Variants in TMEM117 observed in about 807,000 individuals in gnomAD.
TMEM117 encodes transmembrane protein 117.
A neutral mutation model predicts 52.4 loss-of-function variants in TMEM117; 27 were observed. That is an observed-to-expected ratio of 0.51 (90% confidence interval 0.38 to 0.71). The LOEUF is 0.71. Ranked by LOEUF, TMEM117 falls within the 30% of genes least tolerant of loss-of-function variation. The pLI is 0.00. For synonymous variants in TMEM117, 215 were observed against 206.3 expected (o/e 1.04, Z -0.36); for missense variants, 556 against 630.5 (o/e 0.88, Z 1.26).
chr12:43,883,228 CAA>C (rs1412456333), intron 2 of TMEM117, among the ~76,000 whole-genome samples: 2 of 152,092 alleles, frequency 1.3e-5, no homozygotes, highest in Non-Finnish European at 2.9e-5. Flanking sequence ...TACATTTTCT[CAA>C]GAAGTGATTT....
At chr12:44,359,276 T>G (rs558428064) in intron 6 of TMEM117, among the ~76,000 whole-genome samples, 4 of 151,970 alleles carry the variant, frequency 2.6e-5, no homozygotes, top group African/African-American at 9.6e-5. Context: ...TATATATATA[T>G]GTGTGCACAA....
chr12:44,052,332 C>G (rs969050444), intron 3 of TMEM117, among the ~76,000 whole-genome samples: 3 of 152,026 alleles, frequency 2.0e-5, no homozygotes, highest in Admixed American at 6.6e-5. Flanking sequence ...TTTAGTGCCC[C>G]CAGAGCAGTC....
At chr12:44,107,093 A>C (rs1194656583) in intron 3 of TMEM117, among the ~76,000 whole-genome samples, 1 of 152,110 alleles carries the variant, frequency 6.6e-6, no homozygotes, top group African/African-American at 2.4e-5. Context: ...TACTTAGTAG[A>C]GGTCAGGCAC....
intron 2 of TMEM117, among the ~76,000 whole-genome samples, chr12:43,922,661 A>C (rs1045948422): frequency 6.6e-6 from 1 of 152,116 alleles, no homozygotes; most frequent in Non-Finnish European, 1.5e-5. Context: ...AAGTTATTTG[A>C]ATCTCTTCAT....
At chr12:44,089,711 G>T (rs1047212845) in intron 3 of TMEM117, among the ~76,000 whole-genome samples, 3 of 152,110 alleles carry the variant, frequency 2.0e-5, no homozygotes, top group Admixed American at 6.5e-5. Flanking sequence ...TTCTTTCCCA[G>T]TCTAGTGAAT....
At chr12:44,382,106 C>G (rs941858075) in intron 7 of TMEM117, among the ~76,000 whole-genome samples, 1 of 152,154 alleles carries the variant, frequency 6.6e-6, no homozygotes, top group Non-Finnish European at 1.5e-5. Flanking sequence ...TATAAAGCAG[C>G]AATTCCTTTT....
chr12:43,999,966 T>G (rs996845071), intron 3 of TMEM117, among the ~76,000 whole-genome samples: 2 of 152,228 alleles, frequency 1.3e-5, no homozygotes, highest in Admixed American at 1.3e-4. Context: ...TTAAATTTCC[T>G]TTAGAGTTAT....
chr12:43,862,000 G>A (rs1379306701), intron 2 of TMEM117, among the ~76,000 whole-genome samples: 2 of 152,120 alleles, frequency 1.3e-5, no homozygotes, highest in Non-Finnish European at 2.9e-5. Flanking sequence ...TTCTGAACTA[G>A]AGCATTTGAT....
chr12:44,073,613 G>A (rs972203334), intron 3 of TMEM117: 2 of 152,284 alleles, frequency 1.3e-5, no homozygotes, highest in African/African-American at 4.8e-5. Flanking sequence ...TTTCAGATCA[G>A]TCGAAGCTGG....
At chr12:44,370,343 A>G (rs775010186) in intron 6 of TMEM117, among the ~76,000 whole-genome samples, 1 of 152,126 alleles carries the variant, frequency 6.6e-6, no homozygotes, top group Non-Finnish European at 1.5e-5. Context: ...GTATAATTCC[A>G]GTACACCTAG....
intron 5 of TMEM117, among the ~76,000 whole-genome samples, chr12:44,221,855 CGCCCA>C (rs977768774): frequency 1.3e-5 from 2 of 151,870 alleles, no homozygotes; most frequent in Non-Finnish European, 2.9e-5. Context: ...TGTGCCACCA[CGCCCA>C]GCTAATTTTT....
chr12:43,968,680 T>G (rs1368010157), intron 3 of TMEM117, among the ~76,000 whole-genome samples: 1 of 152,054 alleles, frequency 6.6e-6, no homozygotes, highest in East Asian at 1.9e-4. Context: ...GCTATAGGGG[T>G]AGCTAAAACC....
chr12:43,828,208 GGAATT>G, the TMEM117 span, among the ~76,000 whole-genome samples: 3 of 152,144 alleles, frequency 2.0e-5, no homozygotes, highest in African/African-American at 7.2e-5. Flanking sequence ...AGAGGATATG[GGAATT>G]GTACCTTAGT....
chr12:44,026,407 T>G (rs1946534076), intron 3 of TMEM117, among the ~76,000 whole-genome samples: 1 of 152,170 alleles, frequency 6.6e-6, no homozygotes, highest in African/African-American at 2.4e-5. Context: ...CCTCTGTTGC[T>G]TTTCCCTGGG....
rs142035788 is a variant in TMEM117, at chr12:43,947,903, G to A, written c.410+3561G>A. 6.9e-3 allele frequency among the ~76,000 whole-genome samples: 1,047 copies of A among 152,224 alleles called. 12 individuals are homozygous for A. Among genetic ancestry groups the A allele is most frequent in the African/African-American group, 0.024 (979 of 41,540 alleles). ...GGGAAGAAGGAGTTTTCTTAGACTGGTCTGCATTTTGTGTGCATGTATGCC... is the reference window on the plus strand; with the variant it reads ...GGGAAGAAGGAGTTTTCTTAGACTGATCTGCATTTTGTGTGCATGTATGCC... On this transcript the variant is annotated intron_variant, in intron 3 of 7. Coordinates refer to ENST00000266534, the MANE Select transcript of TMEM117 (RefSeq NM_032256.3).
chr12:43,893,806 T>C (rs1165593493), intron 2 of TMEM117, among the ~76,000 whole-genome samples: 2 of 152,178 alleles, frequency 1.3e-5, no homozygotes, highest in Non-Finnish European at 2.9e-5. Flanking sequence ...TTGCTTGTGA[T>C]TTTGTGGGTT....
intron 3 of TMEM117, among the ~76,000 whole-genome samples, chr12:43,976,676 C>G (rs1033662579): frequency 3.9e-5 from 6 of 152,082 alleles, no homozygotes; most frequent in African/African-American, 1.4e-4. Flanking sequence ...AACCTCCTGG[C>G]CTTCCAAGAA....
At chr12:44,089,144 T>C (rs1281371273) in intron 3 of TMEM117, among the ~76,000 whole-genome samples, 1 of 152,162 alleles carries the variant, frequency 6.6e-6, no homozygotes, top group Admixed American at 6.5e-5. Flanking sequence ...ATGTGCTGGG[T>C]AAGAAGCTAT....
intron 2 of TMEM117, among the ~76,000 whole-genome samples, chr12:43,894,111 G>T (rs964564528): frequency 3.3e-5 from 5 of 152,178 alleles, no homozygotes; most frequent in African/African-American, 1.2e-4. Context: ...TCACAGGCCA[G>T]CTCAGATTCA....
Sources: allele counts gnomAD v4.1 joint callset (sites outside exome capture counted in the v4.1 genomes callset), GRCh38; gene constraint gnomAD v4.1.1; transcripts MANE v1.5; gene names NCBI Gene and HGNC (gene_info 2026-07-23, HGNC 2026-07-21).